The following UBE2V2 variants were observed in gnomAD, a reference collection of about 807,000 sequenced individuals.
UBE2V2 encodes the protein ubiquitin conjugating enzyme E2 V2, also known as ubiquitin-conjugating enzyme E2 variant 2.
Under a neutral mutation model 17.2 loss-of-function variants are expected in UBE2V2, and 9 were observed. The observed-to-expected ratio is 0.52, with a 90% CI of 0.32 to 0.91. The LOEUF (loss-of-function observed/expected upper bound fraction) is 0.91. UBE2V2 is among the 40% of genes least tolerant of loss of function. The pLI, the probability that UBE2V2 is intolerant of heterozygous loss-of-function variation, is 0.04. For missense variants in UBE2V2, 133 were observed against 182.6 expected, an observed-to-expected ratio of 0.73 and a Z score of 1.56; for synonymous variants, 61 against 57.5, an observed-to-expected ratio of 1.06 and a Z score of -0.28.
intron 1 of UBE2V2, among the ~76,000 whole-genome samples, chr8:48,009,179 T>C (rs150103314): frequency 6.6e-6 from 1 of 152,274 alleles, no homozygotes; most frequent in Non-Finnish European, 1.5e-5. Context: ...TTTTAGACAT[T>C]AGACCATTTC....
At chr8:48,019,966 C>G (rs568949291) in intron 1 of UBE2V2, among the ~76,000 whole-genome samples, 2 of 152,244 alleles carry the variant, frequency 1.3e-5, no homozygotes, top group Admixed American at 1.3e-4. Flanking sequence ...GTGAGTGAGA[C>G]TCTGTCTAAA....
intron 1 of UBE2V2, among the ~76,000 whole-genome samples, chr8:48,015,852 C>G (rs1454913336): frequency 1.3e-5 from 2 of 149,962 alleles, no homozygotes; most frequent in African/African-American, 4.9e-5. Context: ...CAGTGTCCCA[C>G]TGTATACGTA....
intron 1 of UBE2V2, among the ~76,000 whole-genome samples, chr8:48,028,551 T>A (rs2091361663): frequency 6.6e-6 from 1 of 152,126 alleles, no homozygotes; most frequent in Admixed American, 6.6e-5. Context: ...TTGGTCAGGC[T>A]AATCTCGAAC....
chr8:48,021,032 C>T (rs1042118414), intron 1 of UBE2V2, among the ~76,000 whole-genome samples: 1 of 151,676 alleles, frequency 6.6e-6, no homozygotes, highest in Non-Finnish European at 1.5e-5. Context: ...AGGCATGATC[C>T]ACTCTGCTGG....
intron 1 of UBE2V2, among the ~76,000 whole-genome samples, chr8:48,010,735 T>A (rs2091223473): frequency 6.8e-6 from 1 of 147,880 alleles, no homozygotes; most frequent in Admixed American, 6.8e-5. Flanking sequence ...TCTCGCTTCT[T>A]TGCCCAGGCT....
intron 1 of UBE2V2, among the ~76,000 whole-genome samples, chr8:48,008,923 A>T (rs1030064229): frequency 6.6e-6 from 1 of 152,122 alleles, no homozygotes; most frequent in Non-Finnish European, 1.5e-5. Flanking sequence ...TCTCCTTGAC[A>T]TGGGTTGGGG....
At chr8:48,031,053 A>G (rs1589856469) in intron 1 of UBE2V2, among the ~76,000 whole-genome samples, 1 of 150,794 alleles carries the variant, frequency 6.6e-6, no homozygotes, top group East Asian at 1.9e-4. Flanking sequence ...AAACACAAAA[A>G]CAAAAATTAG....
At chr8:48,034,923 T>C (rs1589858032) in intron 1 of UBE2V2, 4 of 690,742 alleles carry the variant, frequency 5.8e-6, no homozygotes, top group Non-Finnish European at 7.1e-6. Flanking sequence ...CCGGGACGCC[T>C]TGCTCCCCCT....
intron 1 of UBE2V2, among the ~76,000 whole-genome samples, chr8:48,023,270 C>T (rs996104519): frequency 1.1e-4 from 17 of 150,338 alleles, no homozygotes; most frequent in Admixed American, 6.7e-4. Context: ...GGCTGTAGTG[C>T]GGTGGCGCGA....
At chr8:48,002,908 G>A in the UBE2V2 span, among the ~76,000 whole-genome samples, 2 of 151,076 alleles carry the variant, frequency 1.3e-5, no homozygotes, top group Non-Finnish European at 3.0e-5. Flanking sequence ...ATATCATGTC[G>A]TTAAAAAAGA....
At chr8:48,011,932 G>C (rs1213536124) in intron 1 of UBE2V2, among the ~76,000 whole-genome samples, 1 of 152,188 alleles carries the variant, frequency 6.6e-6, no homozygotes, top group African/African-American at 2.4e-5. Context: ...ACAGGTTTGA[G>C]CCACTGTGCC....
At chr8:48,044,143 CTGATGATGATGATGA>C (rs549316347) in intron 2 of UBE2V2, among the ~76,000 whole-genome samples, 1 of 151,234 alleles carries the variant, frequency 6.6e-6, no homozygotes, top group East Asian at 1.9e-4. Flanking sequence ...AGAGTTCCTC[CTGATGATGATGATGA>C]TGATGATGAT....
upstream of UBE2V2, among the ~76,000 whole-genome samples, chr8:48,007,865 A>G (rs1185048563): frequency 6.6e-6 from 1 of 151,702 alleles, no homozygotes; most frequent in Non-Finnish European, 1.5e-5. Flanking sequence ...TAGCTGTTCA[A>G]ATTTATTGTC....
upstream of UBE2V2, among the ~76,000 whole-genome samples, chr8:48,006,725 G>A (rs994281119): frequency 6.6e-6 from 1 of 152,024 alleles, no homozygotes; most frequent in Admixed American, 6.6e-5. Flanking sequence ...AAAAGGCTTC[G>A]ACAAAATTCA....
chr8:48,016,592 C>T (rs1239675743), intron 1 of UBE2V2, among the ~76,000 whole-genome samples: 1 of 151,884 alleles, frequency 6.6e-6, no homozygotes, highest in African/African-American at 2.4e-5. Context: ...AAGCAATTCT[C>T]CTGCCTCAGC....
At chr8:48,054,576 A>G (rs1304093713) in intron 3 of UBE2V2, among the ~76,000 whole-genome samples, 2 of 152,170 alleles carry the variant, frequency 1.3e-5, no homozygotes, top group Non-Finnish European at 2.9e-5. Context: ...TTACTTTTAT[A>G]ACTAGTAAAT....
chr8:48,027,299 G>A (rs2091352352), intron 1 of UBE2V2, among the ~76,000 whole-genome samples: 1 of 151,940 alleles, frequency 6.6e-6, no homozygotes, highest in African/African-American at 2.4e-5. Context: ...CTCTGCCCGG[G>A]CCCAAAAGGA....
intron 1 of UBE2V2, among the ~76,000 whole-genome samples, chr8:48,035,767 C>G (rs1204988031): frequency 1.4e-5 from 2 of 138,550 alleles, no homozygotes; most frequent in Non-Finnish European, 3.1e-5. Context: ...GTACATGCCA[C>G]TATGCCAGAG....
At chr8:48,043,262 T>G in intron 2 of UBE2V2, 81 bp downstream of exon 2, 1 of 1,092,624 alleles carries the variant, frequency 9.2e-7, no homozygotes, top group Non-Finnish European at 1.2e-6. Context: ...GATATTAAAA[T>G]AAGCAATTAT....
Sources: allele counts gnomAD v4.1 joint callset (sites outside exome capture counted in the v4.1 genomes callset), GRCh38; gene constraint gnomAD v4.1.1; transcripts MANE v1.5; gene names NCBI Gene and HGNC (gene_info 2026-07-23, HGNC 2026-07-21).